Variants in ST6GALNAC3 observed in about 807,000 individuals in gnomAD.
ST6GALNAC3 encodes the protein ST6 N-acetylgalactosaminide alpha-2,6-sialyltransferase 3.
ST6GALNAC3 carries 25 observed loss-of-function variants against 32.7 expected under a neutral mutation model. That is an observed-to-expected ratio of 0.76 (90% CI 0.56 to 1.07). The LOEUF is 1.07. ST6GALNAC3 is among the 50% of genes least tolerant of loss of function. The probability of loss-of-function intolerance (pLI) is 0.00; values close to 1 mark genes in which losing one functional copy is unlikely to be tolerated. For synonymous variants in ST6GALNAC3, 129 were observed against 133.1 expected (o/e 0.97, Z 0.21); for missense variants, 355 against 382.4 (o/e 0.93, Z 0.60).
chr1:76,249,683 A>C lies in ST6GALNAC3; in HGVS notation c.19-64122A>C, dbSNP rs1369443202. Among the ~76,000 whole-genome samples, 4 of 152,190 alleles carry C rather than the reference A, an allele frequency of 2.6e-5. No homozygotes were observed. In the East Asian group the frequency reaches 7.7e-4, roughly 29 times the overall value. ...TGGTATGTCTATGTTTAATTGCCAA[A>C]CTGTTTTCATAAGTGGCTGAATCAT... On this transcript the variant is annotated intron_variant, in intron 1 of 4. Transcript: ENST00000328299.
In ST6GALNAC3 at chr1:76,366,158, T is replaced by C. The variant is rs187072888; in HGVS notation, c.214-45850T>C. Among the ~76,000 whole-genome samples the C allele has an allele frequency of 1.4e-4, 21 of 152,346 alleles. No homozygotes were observed. In the East Asian group the frequency reaches 3.7e-3, roughly 27 times the overall value. On this transcript the variant is annotated intron_variant, in intron 2 of 4. Coordinates refer to ENST00000328299, the MANE Select transcript of ST6GALNAC3 (RefSeq NM_152996.4). The stretch of plus-strand genomic sequence containing the variant: ...CTTGCTCCTACACTTTGTTTCTTTA[T>C]GAATCAGTCTGTGCATGAGATATTC...
At chr1:76,433,762 T>A (rs1411371895) in intron 3 of ST6GALNAC3, among the ~76,000 whole-genome samples, 2 of 152,140 alleles carry the variant, frequency 1.3e-5, no homozygotes, top group Non-Finnish European at 2.9e-5. Context: ...AGGCTCTTAC[T>A]GTCAATTGTT....
intron 1 of ST6GALNAC3, among the ~76,000 whole-genome samples, chr1:76,261,384 G>T (rs1267968569): frequency 6.6e-6 from 1 of 152,024 alleles, no homozygotes; most frequent in Non-Finnish European, 1.5e-5. Flanking sequence ...AGCTTCCATT[G>T]TCTGGGTCTC....
intron 3 of ST6GALNAC3, among the ~76,000 whole-genome samples, chr1:76,581,605 T>G (rs1646892912): frequency 6.6e-6 from 1 of 152,182 alleles, no homozygotes; most frequent in Admixed American, 6.5e-5. Flanking sequence ...GTAAATAATT[T>G]TTGAGCATTT....
chr1:76,591,676 A>G (rs778912357), intron 3 of ST6GALNAC3, among the ~76,000 whole-genome samples: 2 of 152,176 alleles, frequency 1.3e-5, no homozygotes, highest in Non-Finnish European at 2.9e-5. Context: ...TATTTGTATT[A>G]TGCCACATCA....
intron 1 of ST6GALNAC3, among the ~76,000 whole-genome samples, chr1:76,156,466 T>C (rs1415175689): frequency 2.6e-5 from 4 of 152,210 alleles, no homozygotes; most frequent in African/African-American, 9.6e-5. Context: ...CAATTGTTTA[T>C]TTCTATCAAT....
chr1:76,140,322 T>C (rs1650233337), intron 1 of ST6GALNAC3, among the ~76,000 whole-genome samples: 1 of 152,218 alleles, frequency 6.6e-6, no homozygotes, highest in Admixed American at 6.5e-5. Context: ...TGGCTGCCCT[T>C]GCTGTGCCTC....
At chr1:76,307,062 G>A (rs1298773133) in intron 1 of ST6GALNAC3, among the ~76,000 whole-genome samples, 2 of 152,100 alleles carry the variant, frequency 1.3e-5, no homozygotes. Context: ...AGATAGAGCT[G>A]AAGACTGATA....
At chr1:76,530,728 A>G (rs774542850) in intron 3 of ST6GALNAC3, among the ~76,000 whole-genome samples, 4 of 152,198 alleles carry the variant, frequency 2.6e-5, no homozygotes, top group Admixed American at 6.5e-5. Context: ...AACAAATGCT[A>G]TAATTCACCC....
At chr1:76,415,304 A>G (rs907251507) in intron 3 of ST6GALNAC3, among the ~76,000 whole-genome samples, 17 of 149,894 alleles carry the variant, frequency 1.1e-4, no homozygotes, top group African/African-American at 4.2e-4. Context: ...ATGTATTAGG[A>G]TTGCACAATG....
chr1:76,101,845 C>T (rs947587478), intron 1 of ST6GALNAC3, among the ~76,000 whole-genome samples: 4 of 152,214 alleles, frequency 2.6e-5, no homozygotes, highest in African/African-American at 7.2e-5. Context: ...GGAAAGAACA[C>T]GCTTTGAATG....
At chr1:76,627,874 G>T (rs1649074228) in intron 4 of ST6GALNAC3, among the ~76,000 whole-genome samples, 1 of 151,928 alleles carries the variant, frequency 6.6e-6, no homozygotes, top group Non-Finnish European at 1.5e-5. Flanking sequence ...AAGCAAGTTT[G>T]TCATTTCTGC....
At chr1:76,189,402 C>T (rs1434363460) in intron 1 of ST6GALNAC3, among the ~76,000 whole-genome samples, 1 of 152,170 alleles carries the variant, frequency 6.6e-6, no homozygotes, top group African/African-American at 2.4e-5. Context: ...TATGCAGTGG[C>T]TCTGGACTTC....
chr1:76,150,432 T>G (rs74090148), intron 1 of ST6GALNAC3, among the ~76,000 whole-genome samples: 1 of 152,366 alleles, frequency 6.6e-6, no homozygotes, highest in African/African-American at 2.4e-5. Flanking sequence ...GGGCTAGGTT[T>G]CATTATGTCT....
chr1:76,592,216 G>A (rs138927213), intron 3 of ST6GALNAC3, among the ~76,000 whole-genome samples: 22 of 152,260 alleles, frequency 1.4e-4, no homozygotes, highest in African/African-American at 4.8e-4. Flanking sequence ...CAGAGAGATC[G>A]TCAAGAAGAG....
At chr1:76,157,769 C>T (rs1329476698) in intron 1 of ST6GALNAC3, among the ~76,000 whole-genome samples, 5 of 152,090 alleles carry the variant, frequency 3.3e-5, no homozygotes, top group African/African-American at 1.2e-4. Context: ...ATAACTATAC[C>T]ACCCTAAAAA....
intron 2 of ST6GALNAC3, among the ~76,000 whole-genome samples, chr1:76,379,595 A>G (rs1161219110): frequency 6.6e-6 from 1 of 152,134 alleles, no homozygotes; most frequent in East Asian, 1.9e-4. Flanking sequence ...CTGAGCCTGC[A>G]CTGGAGGAAG....
chr1:76,233,416 C>T (rs1017915216), intron 1 of ST6GALNAC3, among the ~76,000 whole-genome samples: 1 of 152,128 alleles, frequency 6.6e-6, no homozygotes, highest in Non-Finnish European at 1.5e-5. Flanking sequence ...CAAGTAAGCC[C>T]AAAAACAAGG....
intron 1 of ST6GALNAC3, among the ~76,000 whole-genome samples, chr1:76,212,299 G>A (rs762358461): frequency 4.6e-5 from 7 of 152,024 alleles, no homozygotes; most frequent in Non-Finnish European, 7.4e-5. Flanking sequence ...ATAGTGAAAC[G>A]CTTCCAGACA....
Sources: allele counts gnomAD v4.1 joint callset (sites outside exome capture counted in the v4.1 genomes callset), GRCh38; gene constraint gnomAD v4.1.1; transcripts MANE v1.5; gene names NCBI Gene and HGNC (gene_info 2026-07-23, HGNC 2026-07-21).